The following IPCEF1 variants were observed in gnomAD, a reference collection of about 807,000 sequenced individuals.
IPCEF1 encodes the protein interaction protein for cytohesin exchange factors 1.
IPCEF1 carries 31 observed loss-of-function variants against 50.9 expected under a neutral mutation model. The ratio of observed to expected loss-of-function variants is 0.61; its 90% CI spans 0.46 to 0.82. The LOEUF (loss-of-function observed/expected upper bound fraction) is 0.82. Among genes scored for constraint, IPCEF1 ranks in the 40% least tolerant of loss-of-function variants. The probability of loss-of-function intolerance (pLI) is 0.00; values close to 1 mark genes in which losing one functional copy is unlikely to be tolerated. For synonymous variants in IPCEF1, 181 were observed against 192.0 expected (o/e 0.94, Z 0.47); for missense variants, 458 against 514.0 (o/e 0.89, Z 1.05).
At chr6:154,181,834 G>A in intron 10 of IPCEF1, among the ~76,000 whole-genome samples, 1 of 152,054 alleles carries the variant, frequency 6.6e-6, no homozygotes, top group East Asian at 1.9e-4. Context: ...GGACACTTGG[G>A]GATCATGAAC....
Position 154,200,069 on chromosome 6 carries a change from G to T in IPCEF1, c.538-29C>A, listed in dbSNP as rs779256570. 7 of 1,556,022 alleles carry T rather than the reference G, an allele frequency of 4.5e-6. No homozygotes were observed. The South Asian group carries it at 4.9e-5, about 11-fold the overall frequency. ...TTTTTCACAAATAAAACCAAAAAAA[G>T]AATAAAAGACATCATGATTAAACCA... On this transcript the variant is annotated intron_variant, in intron 9 of 11. Coordinates refer to ENST00000367220, the MANE Select transcript of IPCEF1 (RefSeq NM_001130700.2).
At chr6:154,233,934 C>T (rs749892786) in intron 5 of IPCEF1, among the ~76,000 whole-genome samples, 8 of 152,128 alleles carry the variant, frequency 5.3e-5, no homozygotes, top group African/African-American at 7.2e-5. Context: ...CTAGGCCGGA[C>T]GCCGTGGCTC....
chr6:154,191,010 C>T (rs1487569950), intron 10 of IPCEF1, among the ~76,000 whole-genome samples: 5 of 151,912 alleles, frequency 3.3e-5, no homozygotes, highest in Non-Finnish European at 7.4e-5. Context: ...GAGCCGAGAT[C>T]GCGCCACTGC....
chr6:154,284,334 A>G (rs1330684377), intron 2 of IPCEF1, among the ~76,000 whole-genome samples: 2 of 152,246 alleles, frequency 1.3e-5, no homozygotes, highest in African/African-American at 4.8e-5. Flanking sequence ...GGTGTTGTAT[A>G]GAGATACTGG....
intron 1 of IPCEF1, among the ~76,000 whole-genome samples, chr6:154,355,019 C>T (rs1784191244): frequency 1.4e-5 from 2 of 148,132 alleles, no homozygotes; most frequent in South Asian, 2.1e-4. Flanking sequence ...CACACACACA[C>T]ACACACACAC....
At chr6:154,276,064 A>G (rs959776657) in intron 2 of IPCEF1, among the ~76,000 whole-genome samples, 14 of 152,170 alleles carry the variant, frequency 9.2e-5, no homozygotes, top group Middle Eastern at 3.4e-3. Context: ...GGTGCCTGTA[A>G]TCCCAGCTAC....
chr6:154,262,566 G>C (rs1781627515), intron 3 of IPCEF1, among the ~76,000 whole-genome samples: 1 of 152,096 alleles, frequency 6.6e-6, no homozygotes, highest in Admixed American at 6.5e-5. Context: ...ACACTTAAAT[G>C]CTCTCTTATT....
intron 2 of IPCEF1, among the ~76,000 whole-genome samples, chr6:154,267,880 C>G (rs1023008118): frequency 2.0e-4 from 30 of 152,238 alleles, no homozygotes; most frequent in African/African-American, 6.8e-4. Flanking sequence ...CTCCCTGCAG[C>G]TGGTTGTCAG....
chr6:154,168,253 A>T lies in IPCEF1; in HGVS notation c.911-140T>A. 1 of 612,512 alleles carries T rather than the reference A, an allele frequency of 1.6e-6. No homozygotes were observed. The highest frequency in any genetic ancestry group is 2.7e-6 in the Non-Finnish European group (1 of 373,038). The allele number at this position is 612,512 out of a possible 1,614,324, so 37.9% of individuals were successfully genotyped here. A position where few individuals can be genotyped will look rare whatever the true frequency, so the allele number is the denominator to read the frequency against. Reference sequence around the variant, plus strand: ...TCTCTCCGGAACTGAAAGACAATAAATGTTTGCTGTCTAAGCCACCCAGTT... The same window carrying T: ...TCTCTCCGGAACTGAAAGACAATAATTGTTTGCTGTCTAAGCCACCCAGTT... On this transcript the variant is annotated intron_variant, in intron 10 of 11. Transcript: ENST00000367220. The surrounding 1 kb of genome is among the most constrained non-coding windows in gnomAD (Gnocchi z 4.1).
chr6:154,192,720 T>C (rs1010379788), intron 10 of IPCEF1, among the ~76,000 whole-genome samples: 2 of 152,052 alleles, frequency 1.3e-5, no homozygotes, highest in African/African-American at 2.4e-5. Flanking sequence ...GAATAGACAG[T>C]TCTCAAAAGA....
chr6:154,212,649 C>A, intron 9 of IPCEF1, 121 bp downstream of exon 9: 1 of 652,708 alleles, frequency 1.5e-6, no homozygotes, highest in South Asian at 2.1e-5. Flanking sequence ...TGCTCGTTGG[C>A]AGGTATCTTA....
intron 3 of IPCEF1, among the ~76,000 whole-genome samples, chr6:154,248,415 TA>T (rs1781236111): frequency 6.6e-6 from 1 of 152,246 alleles, no homozygotes; most frequent in South Asian, 2.1e-4. Flanking sequence ...TGAACTGATT[TA>T]AATTTGAAAG....
At chr6:154,223,903 A>G (rs1257795701) in intron 5 of IPCEF1, among the ~76,000 whole-genome samples, 3 of 152,270 alleles carry the variant, frequency 2.0e-5, no homozygotes, top group African/African-American at 4.8e-5. Flanking sequence ...AAAAGACTGC[A>G]TAAGAAAATT....
intron 5 of IPCEF1, among the ~76,000 whole-genome samples, chr6:154,228,281 C>G (rs1779426921): frequency 6.7e-6 from 1 of 148,240 alleles, no homozygotes; most frequent in Non-Finnish European, 1.5e-5. Flanking sequence ...GCCCAGACAA[C>G]ATAGGCAGAC....
intron 1 of IPCEF1, among the ~76,000 whole-genome samples, chr6:154,344,603 C>T (rs1237847803): frequency 6.6e-6 from 1 of 152,130 alleles, no homozygotes; most frequent in Non-Finnish European, 1.5e-5. Context: ...GGATTCTTCC[C>T]GGTATAGGAG....
At chr6:154,226,442 A>G (rs1779258654) in intron 5 of IPCEF1, among the ~76,000 whole-genome samples, 1 of 151,790 alleles carries the variant, frequency 6.6e-6, no homozygotes, top group African/African-American at 2.4e-5. Flanking sequence ...ATCACTTTCT[A>G]GCCAGTTGCC....
In IPCEF1 at chr6:154,295,894, TACAC is replaced by T. The variant is rs564647829; in HGVS notation, c.-61-6142_-61-6139del. On this transcript the variant is annotated intron_variant, in intron 1 of 11. Transcript: ENST00000367220. ...ACACACACACACACACACACATGCG[TACAC>T]ACACACACACACGCACACACACACA... 7.3e-4 allele frequency among the ~76,000 whole-genome samples: 78 copies of T among 106,790 alleles called. 1 individual carries two copies. The highest frequency in any genetic ancestry group is 3.8e-3 in the Admixed American group (31 of 8,148). The allele number at this position is 106,790 out of a possible 152,430, so 70.1% of individuals were successfully genotyped here. A position where few individuals can be genotyped will look rare whatever the true frequency, so the allele number is the denominator to read the frequency against.
At chr6:154,260,215 C>T (rs1281504816) in intron 3 of IPCEF1, among the ~76,000 whole-genome samples, 1 of 152,178 alleles carries the variant, frequency 6.6e-6, no homozygotes, top group Non-Finnish European at 1.5e-5. Flanking sequence ...AATAACTTAA[C>T]CACAGTAGCA....
intron 10 of IPCEF1, among the ~76,000 whole-genome samples, chr6:154,179,191 G>C (rs1212323308): frequency 6.6e-6 from 1 of 152,148 alleles, no homozygotes; most frequent in East Asian, 1.9e-4. Context: ...AAGTGCAAAA[G>C]AAAACACAGC....
Sources: allele counts gnomAD v4.1 joint callset (sites outside exome capture counted in the v4.1 genomes callset), GRCh38; gene constraint gnomAD v4.1.1; non-coding constraint Gnocchi (gnomAD v3.1); transcripts MANE v1.5; gene names NCBI Gene and HGNC (gene_info 2026-07-23, HGNC 2026-07-21).